GULP1: variants seen among roughly 807,000 people sequenced by gnomAD.
GULP1 encodes PTB domain-containing engulfment adapter protein 1.
GULP1 carries 19 observed loss-of-function variants against 40.9 expected under a neutral mutation model. The observed-to-expected ratio is 0.46, with a 90% confidence interval of 0.32 to 0.68. GULP1 has a LOEUF of 0.68. GULP1 is among the 30% of genes least tolerant of loss of function. The pLI, the probability that GULP1 is intolerant of heterozygous loss-of-function variation, is 0.03. For synonymous variants in GULP1, 119 were observed against 117.6 expected, an observed-to-expected ratio of 1.01 and a Z score of -0.08; for missense variants, 312 against 362.2, an observed-to-expected ratio of 0.86 and a Z score of 1.12.
At chr2:188,576,224 C>T (rs909057323) in intron 9 of GULP1, among the ~76,000 whole-genome samples, 1 of 151,596 alleles carries the variant, frequency 6.6e-6, no homozygotes, top group Admixed American at 6.6e-5. Flanking sequence ...TAGAGAAGGT[C>T]TGGTCTCATG....
chr2:188,301,959 T>G (rs564546421), intron 1 of GULP1, among the ~76,000 whole-genome samples: 26 of 152,316 alleles, frequency 1.7e-4, no homozygotes, highest in African/African-American at 6.3e-4. Flanking sequence ...GATTTACTGC[T>G]GTGTGAGATA....
intron 2 of GULP1, among the ~76,000 whole-genome samples, chr2:188,455,937 G>C (rs2059221096): frequency 1.3e-5 from 2 of 152,310 alleles, no homozygotes; most frequent in East Asian, 3.9e-4. Flanking sequence ...GAACAAAGGT[G>C]ACTCTTATTA....
At chr2:188,499,053 T>C (rs1198261234) in intron 4 of GULP1, among the ~76,000 whole-genome samples, 2 of 149,652 alleles carry the variant, frequency 1.3e-5, no homozygotes. Context: ...TTAGAATTTA[T>C]TGAAATTAAA....
chr2:188,527,607 A>G lies in GULP1; in HGVS notation c.163-1490A>G, dbSNP rs138869286. On this transcript the variant is annotated intron_variant, in intron 5 of 11. Coordinates refer to ENST00000409830, the MANE Select transcript of GULP1 (RefSeq NM_016315.4). ...AAATTATCTGGCACGAATTAGTTGT[A>G]TCGTGCAGCAGTAAGACTGCTGGAT... Among the ~76,000 whole-genome samples the G allele has an allele frequency of 3.0e-4, 45 of 152,310 alleles. No homozygotes were observed. In the East Asian group the frequency reaches 8.5e-3, roughly 29 times the overall value.
chr2:188,555,635 A>G (rs944762021), intron 7 of GULP1, among the ~76,000 whole-genome samples: 2 of 152,098 alleles, frequency 1.3e-5, no homozygotes, highest in Admixed American at 1.3e-4. Context: ...TGCTGTTTTT[A>G]TAATTCTTTA....
chr2:188,352,618 T>TCACACACACACACACA (rs66499080), intron 1 of GULP1, among the ~76,000 whole-genome samples: 3,930 of 134,412 alleles, frequency 0.029, 78 homozygotes, highest in East Asian at 0.035. Context: ...TCTCTCTCTC[T>TCACACACACACACACA]CACACACACA....
At chr2:188,519,567 T>C (rs747110762) in intron 4 of GULP1, among the ~76,000 whole-genome samples, 3 of 152,208 alleles carry the variant, frequency 2.0e-5, no homozygotes, top group Non-Finnish European at 4.4e-5. Flanking sequence ...TCAGAGAAGT[T>C]GAGAACTGTT....
chr2:188,367,503 A>C (rs1265943943), intron 1 of GULP1, among the ~76,000 whole-genome samples: 1 of 152,184 alleles, frequency 6.6e-6, no homozygotes, highest in African/African-American at 2.4e-5. Context: ...GTGGTATTTA[A>C]TATGTAGACA....
intron 1 of GULP1, among the ~76,000 whole-genome samples, chr2:188,324,183 G>T (rs2040425258): frequency 6.6e-6 from 1 of 152,014 alleles, no homozygotes; most frequent in Non-Finnish European, 1.5e-5. Flanking sequence ...CCCTCAGTCA[G>T]AACCCTCATG....
intron 7 of GULP1, among the ~76,000 whole-genome samples, chr2:188,565,279 C>G (rs1038480698): frequency 6.6e-6 from 1 of 151,834 alleles, no homozygotes; most frequent in Non-Finnish European, 1.5e-5. Context: ...GCTATATTCC[C>G]AATACGTGTA....
intron 2 of GULP1, among the ~76,000 whole-genome samples, chr2:188,452,467 A>G (rs566898676): frequency 2.6e-5 from 4 of 152,326 alleles, no homozygotes; most frequent in South Asian, 2.1e-4. Flanking sequence ...TTTTCCCCAC[A>G]TATTTATGAA....
rs576447515 is a variant in GULP1, at chr2:188,292,183, A to G, written c.-172+17A>G. 1.3e-5 allele frequency: 2 copies of G among 152,460 alleles called. No homozygotes were observed. Among genetic ancestry groups the G allele is most frequent in the African/African-American group, 4.8e-5 (2 of 41,450 alleles). 9.4% of individuals were successfully genotyped at this position (152,460 alleles called of 1,614,324 possible). A position where few individuals can be genotyped will look rare whatever the true frequency, so the allele number is the denominator to read the frequency against. On this transcript the variant is annotated intron_variant, in intron 1 of 11. Coordinates refer to ENST00000409830, the MANE Select transcript of GULP1 (RefSeq NM_016315.4). This position sits in a 1 kb window ranked among gnomAD's most constrained non-coding sequence, Gnocchi z 4.0. ...CTCAGTGAGGTACGGAGATTTATCT[A>G]GGCTCTTCCCTGGCTGCGAACCCAG...
intron 4 of GULP1, among the ~76,000 whole-genome samples, chr2:188,506,632 A>G (rs969008251): frequency 5.9e-5 from 9 of 151,998 alleles, no homozygotes; most frequent in Non-Finnish European, 8.8e-5. Context: ...CAAAGTAGAT[A>G]TAACAAAACA....
At chr2:188,425,084 A>C (rs1031571670) in intron 2 of GULP1, among the ~76,000 whole-genome samples, 46 of 152,150 alleles carry the variant, frequency 3.0e-4, no homozygotes, top group Non-Finnish European at 4.9e-4. Context: ...GGTTGTTCCA[A>C]TCTTATCATT....
chr2:188,490,536 C>T (rs1447075058), intron 4 of GULP1, among the ~76,000 whole-genome samples: 4 of 152,056 alleles, frequency 2.6e-5, no homozygotes, highest in Non-Finnish European at 5.9e-5. Context: ...GCTAAGTAGA[C>T]TAAGTAAAGT....
intron 7 of GULP1, among the ~76,000 whole-genome samples, chr2:188,547,780 T>C (rs1466029711): frequency 6.6e-6 from 1 of 152,078 alleles, no homozygotes; most frequent in African/African-American, 2.4e-5. Context: ...AAAAGAATTA[T>C]ATGCAAAGGT....
At chr2:188,472,259 G>T (rs2060650482) in intron 2 of GULP1, among the ~76,000 whole-genome samples, 2 of 151,948 alleles carry the variant, frequency 1.3e-5, no homozygotes, top group African/African-American at 2.4e-5. Context: ...TGTCTTCTTT[G>T]TGTTAAATCT....
At chr2:188,492,759 A>C (rs1484439520) in intron 4 of GULP1, among the ~76,000 whole-genome samples, 5 of 152,088 alleles carry the variant, frequency 3.3e-5, no homozygotes, top group Admixed American at 2.0e-4. Context: ...TTATATATCT[A>C]TCTCTTTGCC....
chr2:188,508,301 A>C (rs1575671818), intron 4 of GULP1, among the ~76,000 whole-genome samples: 1 of 152,226 alleles, frequency 6.6e-6, no homozygotes, highest in Non-Finnish European at 1.5e-5. Context: ...ATCTTTAAAA[A>C]ACAGGGATTT....
Sources: allele counts gnomAD v4.1 joint callset (sites outside exome capture counted in the v4.1 genomes callset), GRCh38; gene constraint gnomAD v4.1.1; non-coding constraint Gnocchi (gnomAD v3.1); transcripts MANE v1.5; gene names NCBI Gene and HGNC (gene_info 2026-07-23, HGNC 2026-07-21).